FAM120A: variants seen among roughly 807,000 people sequenced by gnomAD.
FAM120A encodes family with sequence similarity 120 member A.
In FAM120A, 15 loss-of-function variants were observed where a neutral mutation model predicts 109.7. The observed-to-expected ratio is 0.14, with a 90% CI of 0.09 to 0.21. The LOEUF (loss-of-function observed/expected upper bound fraction) is 0.21, where lower values mean the gene tolerates loss of function less well. Among genes scored for constraint, FAM120A ranks in the 10% least tolerant of loss-of-function variants. FAM120A has a pLI of 1.00. For missense variants in FAM120A, 899 were observed against 1,439.3 expected (o/e 0.62, Z 6.07); for synonymous variants, 493 against 572.8 (o/e 0.86, Z 1.99).
At chr9:93,538,058 T>C (rs1249369811) in intron 10 of FAM120A, among the ~76,000 whole-genome samples, 2 of 151,948 alleles carry the variant, frequency 1.3e-5, no homozygotes, top group African/African-American at 2.4e-5. Context: ...TTTTAACCAG[T>C]GTTACTTGCC....
rs564 is a variant in FAM120A at position 93,566,021 on chromosome 9, T to C, written c.*1481T>C. On this transcript the variant is annotated 3_prime_UTR_variant, in exon 18 of 18. Coordinates refer to ENST00000277165, the MANE Select transcript of FAM120A (RefSeq NM_014612.5). ...AAGAATGAACTGCTGTTGGGTTTGA[T>C]TGACTGTCGATGGATTGTGGTGTGG... 0.27 allele frequency: 40,664 copies of C among 152,570 alleles called. 6,743 individuals carry two copies. Among genetic ancestry groups the C allele is most frequent in the East Asian group, 0.36 (1,847 of 5,172 alleles). The allele number at this position is 152,570 out of a possible 1,614,324, so 9.5% of individuals were successfully genotyped here.
At chr9:93,493,899 G>A (rs181518142) in intron 3 of FAM120A, among the ~76,000 whole-genome samples, 2 of 152,228 alleles carry the variant, frequency 1.3e-5, no homozygotes, top group Non-Finnish European at 2.9e-5. Context: ...CTCTCAGTGG[G>A]CCTGGCAGCC....
At position 93,451,960 on chromosome 9, in the gene FAM120A, G is replaced by A. The variant is rs763546850; in HGVS notation, c.45G>A (p.Pro15=). 7.8e-6 allele frequency: 12 copies of A among 1,535,752 alleles called. No homozygotes were observed. The highest frequency in any genetic ancestry group is 8.7e-6 in the Non-Finnish European group (10 of 1,143,152). The change falls in exon 1 of 18, where the codon CCG becomes CCA. Residue 15 remains proline (P), a synonymous_variant. Coordinates refer to ENST00000277165, the MANE Select transcript of FAM120A (RefSeq NM_014612.5). ...AGGACTACATCGAGAAGCACTGCCC[G>A]AGCGCCGTGGTGCCGGTGGAGCTGC... ...GFQDYIEKHC[P]SAVVPVELQK... is the part of the protein sequence containing the mutation.
chr9:93,490,495 A>G (rs541185296), intron 3 of FAM120A, among the ~76,000 whole-genome samples: 38 of 152,234 alleles, frequency 2.5e-4, no homozygotes, highest in Non-Finnish European at 4.8e-4. Context: ...ATGAAAAGGA[A>G]TATTGGATTT....
At chr9:93,480,807 A>G (rs1008639315) in intron 3 of FAM120A, among the ~76,000 whole-genome samples, 13 of 152,156 alleles carry the variant, frequency 8.5e-5, no homozygotes, top group African/African-American at 2.9e-4. Context: ...AAGATTTGTG[A>G]TTGTATTTAC....
intron 2 of FAM120A, 142 bp from the exon 3 acceptor site, chr9:93,476,114 C>A: frequency 5.1e-6 from 3 of 585,250 alleles, no homozygotes; most frequent in Non-Finnish European, 9.1e-6. Flanking sequence ...TGCTGTATGT[C>A]GCTTTATGTT....
chr9:93,455,019 G>A (rs1857489193), intron 1 of FAM120A, among the ~76,000 whole-genome samples: 1 of 152,148 alleles, frequency 6.6e-6, no homozygotes, highest in Non-Finnish European at 1.5e-5. Flanking sequence ...TTTATCATAC[G>A]ATCCAGCAAT....
intron 5 of FAM120A, among the ~76,000 whole-genome samples, chr9:93,505,957 T>C (rs1333905732): frequency 6.6e-6 from 1 of 152,238 alleles, no homozygotes; most frequent in Non-Finnish European, 1.5e-5. Context: ...GCCTTAGTAT[T>C]GTCCACTGAG....
At chr9:93,561,779 A>T (rs1157699930) in intron 16 of FAM120A, among the ~76,000 whole-genome samples, 1 of 151,888 alleles carries the variant, frequency 6.6e-6, no homozygotes, top group Non-Finnish European at 1.5e-5. Context: ...ATTAACAATT[A>T]TTAAATAATT....
chr9:93,526,004 T>C (rs189993181), intron 7 of FAM120A, among the ~76,000 whole-genome samples: 73 of 152,320 alleles, frequency 4.8e-4, no homozygotes, highest in Non-Finnish European at 8.4e-4. Context: ...GATTGGAAGA[T>C]AGGAGAATTA....
chr9:93,461,162 C>G (rs1310743149), intron 1 of FAM120A, among the ~76,000 whole-genome samples: 1 of 152,174 alleles, frequency 6.6e-6, no homozygotes, highest in African/African-American at 2.4e-5. Flanking sequence ...TGGCATTTCT[C>G]AGTTGTCTCT....
intron 5 of FAM120A, among the ~76,000 whole-genome samples, chr9:93,507,139 G>C (rs1860097584): frequency 6.6e-6 from 1 of 152,180 alleles, no homozygotes; most frequent in African/African-American, 2.4e-5. Context: ...GGCAGGTATA[G>C]GGAAAGGAGT....
intron 17 of FAM120A, among the ~76,000 whole-genome samples, chr9:93,563,346 C>G (rs1862538185): frequency 6.6e-6 from 1 of 152,220 alleles, no homozygotes; most frequent in Admixed American, 6.5e-5. Context: ...TTCTTCAGCA[C>G]CGAGTCAGTC....
chr9:93,531,342 T>C (rs1479703008), intron 9 of FAM120A: 2 of 152,250 alleles, frequency 1.3e-5, no homozygotes, highest in African/African-American at 4.8e-5. Flanking sequence ...ATGAACTTCA[T>C]AGACATTGAG....
chr9:93,481,999 G>A (rs976204654), intron 3 of FAM120A, among the ~76,000 whole-genome samples: 2 of 152,008 alleles, frequency 1.3e-5, no homozygotes, highest in African/African-American at 4.8e-5. Flanking sequence ...CATCTTAGGA[G>A]CTCCCTCTAA....
rs920409948 is a variant in FAM120A at position 93,523,628 on chromosome 9, CAGTT to C, written c.1419-3524_1419-3521del. 3.3e-4 allele frequency among the ~76,000 whole-genome samples: 51 copies of C among 152,282 alleles called. 1 individual carries two copies. The highest frequency in any genetic ancestry group is 1.2e-3 in the African/African-American group (49 of 41,546). On this transcript the variant is annotated intron_variant, in intron 7 of 17. Transcript: ENST00000277165. ...TGATCTTAAGACAAACGTGTTGACA[CAGTT>C]AGGTGTCTCTGAACCCTCACTTGTG...
In FAM120A at chr9:93,500,249, C is replaced by A. The variant is rs564224775; in HGVS notation, c.1030+1363C>A. Among the ~76,000 whole-genome samples, 12 of 152,364 alleles carry A rather than the reference C, an allele frequency of 7.9e-5. No individual in the cohort carries two copies. Among genetic ancestry groups the A allele is most frequent in the African/African-American group, 2.9e-4 (12 of 41,580 alleles). On this transcript the variant is annotated intron_variant, in intron 5 of 17. Coordinates refer to ENST00000277165, the MANE Select transcript of FAM120A (RefSeq NM_014612.5). This position sits in a 1 kb window ranked among gnomAD's most constrained non-coding sequence, Gnocchi z 4.6. ...TCCCGTCACACTTGGAATAAATTCC[C>A]AACTACTTACCTTGCTTCCTCCCCA...
rs1384356753 is a variant in FAM120A at position 93,451,808 on chromosome 9, C to A, written c.-108C>A. 1.4e-5 allele frequency: 14 copies of A among 974,728 alleles called. No individual in the cohort carries two copies. The highest frequency in any genetic ancestry group is 1.2e-4 in the East Asian group (1 of 8,608). The allele number at this position is 974,728 out of a possible 1,614,324, so 60.4% of individuals were successfully genotyped here. A position where few individuals can be genotyped will look rare whatever the true frequency, so the allele number is the denominator to read the frequency against. ...GCGCCCCCGACCCGCCCCAGTCCCC[C>A]CTAGAGGCCGCCGCCCCCGCCCGCC... is the stretch of plus-strand genomic sequence containing the variant. On this transcript the variant is annotated 5_prime_UTR_variant, in exon 1 of 18. Transcript: ENST00000277165.
At chr9:93,475,902 G>A (rs1397002852) in intron 2 of FAM120A, among the ~76,000 whole-genome samples, 1 of 152,198 alleles carries the variant, frequency 6.6e-6, no homozygotes, top group Non-Finnish European at 1.5e-5. Context: ...TTGAACCATA[G>A]TCATTTCATG....
Sources: gnomAD v4.1 joint callset for allele counts (sites outside exome capture counted in the v4.1 genomes callset) on GRCh38, gnomAD v4.1.1 for gene constraint, Gnocchi (gnomAD v3.1) non-coding constraint, MANE v1.5 for transcripts, NCBI Gene and HGNC (gene_info 2026-07-23, HGNC 2026-07-21) for gene names.